DDX1: variants seen among roughly 807,000 people sequenced by gnomAD.
The protein encoded by DDX1 is ATP-dependent RNA helicase DDX1.
DDX1 carries 28 observed loss-of-function variants against 108.7 expected under a neutral mutation model. That is an observed-to-expected ratio of 0.26 (90% CI 0.19 to 0.35). The LOEUF (loss-of-function observed/expected upper bound fraction) is 0.35. Among genes scored for constraint, DDX1 ranks in the 10% least tolerant of loss-of-function variants. The pLI is 1.00. For missense variants in DDX1, 710 were observed against 884.5 expected, an observed-to-expected ratio of 0.80 and a Z score of 2.50; for synonymous variants, 295 against 288.9, an observed-to-expected ratio of 1.02 and a Z score of -0.21.
At chr2:15,614,436 T>C (rs1461479323) in intron 14 of DDX1, among the ~76,000 whole-genome samples, 1 of 152,184 alleles carries the variant, frequency 6.6e-6, no homozygotes, top group African/African-American at 2.4e-5. Flanking sequence ...TAATATTGCT[T>C]TGATATGTTT....
rs535649943 is a variant in DDX1 at position 15,630,251 on chromosome 2, A to G, written c.2092+141A>G. The G allele has an allele frequency of 4.9e-5, 40 of 823,308 alleles. No homozygotes were observed. In the East Asian group the frequency reaches 9.9e-4, roughly 20 times the overall value. The allele number at this position is 823,308 out of a possible 1,614,324, so 51.0% of individuals were successfully genotyped here. A position where few individuals can be genotyped will look rare whatever the true frequency, so the allele number is the denominator to read the frequency against. ...TAATCATTCCCTCCTTATTACCCTCATAGTACTTTGTCCATACCTGCCTTG... is the reference window on the plus strand; with the variant it reads ...TAATCATTCCCTCCTTATTACCCTCGTAGTACTTTGTCCATACCTGCCTTG... On this transcript the variant is annotated intron_variant, in intron 25 of 25. Transcript: ENST00000233084.
intron 10 of DDX1, among the ~76,000 whole-genome samples, 153 bp from the exon 11 acceptor site, chr2:15,605,797 A>G (rs899035844): frequency 1.3e-5 from 2 of 152,188 alleles, no homozygotes; most frequent in African/African-American, 4.8e-5. Context: ...GGAGTAAAGT[A>G]AAAAAATGAA....
Position 15,623,443 on chromosome 2 carries a change from G to T in DDX1, c.1455G>T (p.Trp485Cys), listed in dbSNP as rs755375571. 1.1e-5 allele frequency: 17 copies of T among 1,613,328 alleles called. No homozygotes were observed. The highest frequency in any genetic ancestry group is 2.7e-5 in the African/African-American group (2 of 74,990). ...GTTGTTATGATATTCAAGAGATGTG[G>T]TCTGAAGCTATTAAAATCCTGAAAG... The part of the protein sequence containing the change: ...TRPGANSPEM[W>C]SEAIKILKGE... Residue 485 changes from tryptophan to cysteine, a missense_variant, in exon 19 of 26, where the codon TGG becomes TGT. Physicochemically the swap from Trp to Cys is radical, Grantham distance 215. This residue lies in a region of DDX1 where 661 missense variants were observed against 810.2 expected (regional missense o/e 0.82). Transcript: ENST00000233084.
chr2:15,619,361 G>T (rs1665952921), intron 16 of DDX1, among the ~76,000 whole-genome samples: 1 of 152,182 alleles, frequency 6.6e-6, no homozygotes, highest in East Asian at 1.9e-4. Context: ...GAGACTCTGG[G>T]CCTGGGAGCG....
At chr2:15,624,914 G>A (rs12614308) in intron 19 of DDX1, among the ~76,000 whole-genome samples, 21,355 of 152,108 alleles carry the variant, frequency 0.14, 1,911 homozygotes, top group East Asian at 0.37. Context: ...CTTTTATAAA[G>A]CTAAAAATGC....
intron 10 of DDX1, among the ~76,000 whole-genome samples, chr2:15,604,971 G>A (rs1665640716): frequency 6.6e-6 from 1 of 152,192 alleles, no homozygotes; most frequent in Non-Finnish European, 1.5e-5. Context: ...TGCTTGAGGT[G>A]TCTGAGTCAC....
rs1665623920 is a variant in DDX1 at position 15,603,797 on chromosome 2, A to G, written c.476-17A>G. 1.3e-6 allele frequency: 2 copies of G among 1,558,344 alleles called. No individual in the cohort carries two copies. The highest frequency in any genetic ancestry group is 1.8e-6 in the Non-Finnish European group (2 of 1,142,460). ...TATTTTCTCTTACCAGAAAAGTAAA[A>G]TATTTTTTAAATCTAGGTACTGACA... On this transcript the variant is annotated splice_polypyrimidine_tract_variant and intron_variant, in intron 8 of 25. Coordinates refer to ENST00000233084, the MANE Select transcript of DDX1 (RefSeq NM_004939.3).
intron 13 of DDX1, among the ~76,000 whole-genome samples, chr2:15,608,675 T>G (rs1226123926): frequency 6.8e-6 from 1 of 146,782 alleles, no homozygotes; most frequent in Non-Finnish European, 1.5e-5. Context: ...TTTTTTTTTT[T>G]TTTTTTTTTT....
intron 9 of DDX1, 48 bp from the exon 10 acceptor site, chr2:15,604,389 T>C: frequency 4.1e-6 from 5 of 1,233,026 alleles, no homozygotes; most frequent in Non-Finnish European, 5.9e-6. Flanking sequence ...TTAACTTTAT[T>C]TAAGAATTTA....
At chr2:15,593,442 T>C (rs1387716639) in intron 1 of DDX1, among the ~76,000 whole-genome samples, 1 of 152,206 alleles carries the variant, frequency 6.6e-6, no homozygotes, top group Non-Finnish European at 1.5e-5. Context: ...AACTGGAATT[T>C]CACGAATGTT....
intron 23 of DDX1, 42 bp from the exon 24 acceptor site, chr2:15,629,560 C>CT (rs760429478): frequency 1.5e-6 from 2 of 1,367,200 alleles, no homozygotes; most frequent in Non-Finnish European, 2.0e-6. Context: ...TAGCATGTCT[C>CT]TATCTCCATG....
chr2:15,617,406 A>C (rs1427155602), intron 15 of DDX1, 64 bp downstream of exon 15: 3 of 908,284 alleles, frequency 3.3e-6, no homozygotes, highest in East Asian at 5.7e-5. Context: ...TAAAATATAT[A>C]AAATGAAGAA....
chr2:15,625,766 A>G (rs1312425512), intron 19 of DDX1, among the ~76,000 whole-genome samples: 2 of 152,164 alleles, frequency 1.3e-5, no homozygotes, highest in Non-Finnish European at 2.9e-5. Flanking sequence ...AGGAAAGACT[A>G]ACACATTTTG....
chr2:15,630,326 A>C (rs2161072), intron 25 of DDX1, among the ~76,000 whole-genome samples: 39,007 of 152,144 alleles, frequency 0.26, 5,137 homozygotes, highest in Admixed American at 0.3. Context: ...ACTTCAGCTT[A>C]GCTCTTTCTC....
intron 25 of DDX1, 101 bp downstream of exon 25, chr2:15,630,211 A>G: frequency 4.1e-6 from 5 of 1,225,400 alleles, no homozygotes; most frequent in Non-Finnish European, 5.9e-6. Flanking sequence ...GGTTAAGAGT[A>G]TATTTTTAGC....
intron 14 of DDX1, 39 bp downstream of exon 14, chr2:15,613,323 G>A (rs368582130): frequency 1.6e-4 from 225 of 1,445,398 alleles, no homozygotes; most frequent in Admixed American, 3.3e-4. Context: ...TAATGTCATG[G>A]GCTGTCGTTT....
intron 6 of DDX1, among the ~76,000 whole-genome samples, chr2:15,600,066 TTAAA>T (rs33934368): frequency 0.24 from 36,384 of 152,074 alleles, 5,337 homozygotes; most frequent in African/African-American, 0.42. Flanking sequence ...TATTTAGGAC[TTAAA>T]TATATATGTA....
intron 13 of DDX1, among the ~76,000 whole-genome samples, chr2:15,611,555 G>A (rs1192070377): frequency 2.2e-5 from 3 of 134,934 alleles, no homozygotes; most frequent in Non-Finnish European, 4.7e-5. Context: ...GGCTGGCCGG[G>A]CGGGGGGCTG....
chr2:15,617,763 G>A (rs534422902), intron 15 of DDX1, among the ~76,000 whole-genome samples: 2 of 152,280 alleles, frequency 1.3e-5, no homozygotes, highest in East Asian at 3.9e-4. Context: ...GATACAAAAT[G>A]TAGACCATCT....
Sources: gnomAD v4.1 joint callset for allele counts (sites outside exome capture counted in the v4.1 genomes callset) on GRCh38, gnomAD v4.1.1 for gene constraint, gnomAD v4.1.1 regional missense constraint, MANE v1.5 for transcripts, NCBI Gene and HGNC (gene_info 2026-07-23, HGNC 2026-07-21) for gene names.